Variants in FRMD3 observed in about 807,000 individuals in gnomAD.
FRMD3 encodes FERM domain-containing protein 3.
In FRMD3, 33 loss-of-function variants were observed where a neutral mutation model predicts 70.2. The ratio of observed to expected loss-of-function variants is 0.47; its 90% CI spans 0.36 to 0.63. The LOEUF (loss-of-function observed/expected upper bound fraction) is 0.63, where lower values mean the gene tolerates loss of function less well. Ranked by LOEUF, FRMD3 falls within the 20% of genes least tolerant of loss-of-function variation. The pLI, the probability that FRMD3 is intolerant of heterozygous loss-of-function variation, is 0.00. For missense variants in FRMD3, 632 were observed against 711.4 expected (o/e 0.89, Z 1.27); for synonymous variants, 279 against 255.9 (o/e 1.09, Z -0.86).
At chr9:83,307,452 A>T (rs1423425902) in intron 10 of FRMD3, among the ~76,000 whole-genome samples, 1 of 152,266 alleles carries the variant, frequency 6.6e-6, no homozygotes, top group Non-Finnish European at 1.5e-5. Context: ...AATGTGGTCT[A>T]TTGAAACAAT....
intron 1 of FRMD3, among the ~76,000 whole-genome samples, chr9:83,438,179 T>C (rs1326677876): frequency 6.6e-6 from 1 of 152,190 alleles, no homozygotes; most frequent in African/African-American, 2.4e-5. Flanking sequence ...AGAAAATGTA[T>C]TTTCTGAAGC....
chr9:83,270,152 A>G (rs893382476), intron 13 of FRMD3, among the ~76,000 whole-genome samples: 1 of 152,228 alleles, frequency 6.6e-6, no homozygotes, highest in African/African-American at 2.4e-5. Flanking sequence ...GCCCTTGAAT[A>G]CTGTTCCTGT....
rs912717417 is a variant in FRMD3, at chr9:83,385,191, A to C, written c.252+4413T>G. Among the ~76,000 whole-genome samples, 26 of 152,164 alleles carry C rather than the reference A, an allele frequency of 1.7e-4. 1 individual carries two copies. The highest frequency in any genetic ancestry group is 6.3e-4 in the African/African-American group (26 of 41,438). ...GTAAAAAGAATATACTGGAGTAAAA[A>C]AAAAAAAATCTAAACTTAAGCCAAG... On this transcript the variant is annotated intron_variant, in intron 2 of 13. Transcript: ENST00000304195.
intron 1 of FRMD3, among the ~76,000 whole-genome samples, chr9:83,436,785 A>G (rs1470724136): frequency 4.2e-4 from 14 of 33,132 alleles, no homozygotes; most frequent in South Asian, 2.4e-3. Flanking sequence ...CAAGGGGAAA[A>G]AAAAAAAAAA....
At chr9:83,308,297 A>T (rs888850602) in intron 10 of FRMD3, among the ~76,000 whole-genome samples, 2 of 152,186 alleles carry the variant, frequency 1.3e-5, no homozygotes, top group Non-Finnish European at 2.9e-5. Context: ...TACCACCACA[A>T]CTTCTCTTTT....
At chr9:83,559,148 T>A in the FRMD3 span, among the ~76,000 whole-genome samples, 2 of 152,280 alleles carry the variant, frequency 1.3e-5, no homozygotes, top group African/African-American at 4.8e-5. Context: ...CTATTGTGGA[T>A]TAAAGGCTAT....
chr9:83,423,604 T>C (rs964421747), intron 1 of FRMD3, among the ~76,000 whole-genome samples: 1 of 139,028 alleles, frequency 7.2e-6, no homozygotes, highest in African/African-American at 2.7e-5. Context: ...TTTTTTTTTT[T>C]TTTTTTTTTG....
At chr9:83,517,494 C>CAAA (rs59178344) in intron 1 of FRMD3, among the ~76,000 whole-genome samples, 1,917 of 64,494 alleles carry the variant, frequency 0.03, 1 homozygote, top group Middle Eastern at 0.059. Context: ...CCTACCAATC[C>CAAA]AAAAAAAAAA....
chr9:83,563,119 C>G, the FRMD3 span, among the ~76,000 whole-genome samples: 7 of 152,290 alleles, frequency 4.6e-5, no homozygotes, highest in African/African-American at 1.7e-4. Context: ...CCTCTGGCAT[C>G]TAGGATAGAG....
chr9:83,527,535 A>G (rs1587526371), intron 1 of FRMD3, among the ~76,000 whole-genome samples: 1 of 152,272 alleles, frequency 6.6e-6, no homozygotes, highest in South Asian at 2.1e-4. Context: ...TATTATTAGG[A>G]GAAAGGTAAA....
At chr9:83,302,245 G>A (rs112739393) in intron 10 of FRMD3, among the ~76,000 whole-genome samples, 1 of 152,318 alleles carries the variant, frequency 6.6e-6, no homozygotes, top group Non-Finnish European at 1.5e-5. Context: ...GCTTGATCAT[G>A]AGAGATTCTG....
Position 83,349,583 on chromosome 9 carries a change from G to T in FRMD3, c.374+96C>A. 2.6e-6 allele frequency: 2 copies of T among 755,532 alleles called. 1 individual carries two copies. The highest frequency in any genetic ancestry group is 3.6e-5 in the South Asian group (2 of 55,824). The allele number at this position is 755,532 out of a possible 1,614,324, so 46.8% of individuals were successfully genotyped here. ...ATTCCAAGCTTGCAACACTGAGACGGTCAGCTCTAGACAGGAGGCCCATCT... is the reference window on the plus strand; with the variant it reads ...ATTCCAAGCTTGCAACACTGAGACGTTCAGCTCTAGACAGGAGGCCCATCT... On this transcript the variant is annotated intron_variant, in intron 4 of 13. Transcript: ENST00000304195.
intron 2 of FRMD3, among the ~76,000 whole-genome samples, chr9:83,385,696 A>G (rs2131288822): frequency 6.6e-6 from 1 of 152,232 alleles, no homozygotes; most frequent in Non-Finnish European, 1.5e-5. Context: ...TATCCAAATA[A>G]TTCATCAGTT....
intron 3 of FRMD3, among the ~76,000 whole-genome samples, chr9:83,355,918 C>T (rs1824320808): frequency 6.6e-6 from 1 of 152,204 alleles, no homozygotes; most frequent in Non-Finnish European, 1.5e-5. Context: ...AGCAGGGCTC[C>T]TCTCTCACAG....
At chr9:83,318,659 AG>A (rs1835678890) in intron 6 of FRMD3, among the ~76,000 whole-genome samples, 1 of 152,206 alleles carries the variant, frequency 6.6e-6, no homozygotes, top group African/African-American at 2.4e-5. Context: ...ATATACACAA[AG>A]GGAAAATAGT....
upstream of FRMD3, among the ~76,000 whole-genome samples, chr9:83,543,208 G>A (rs147215615): frequency 2.6e-5 from 4 of 151,666 alleles, no homozygotes; most frequent in African/African-American, 4.8e-5. Flanking sequence ...ATTAAGAGAC[G>A]AGTGTGAAGG....
At chr9:83,570,136 T>C in the FRMD3 span, among the ~76,000 whole-genome samples, 1 of 152,186 alleles carries the variant, frequency 6.6e-6, no homozygotes, top group African/African-American at 2.4e-5. Flanking sequence ...TGACAAACAT[T>C]TACTAAGTAT....
chr9:83,331,853 T>G (rs763465631), intron 6 of FRMD3: 14 of 717,372 alleles, frequency 2.0e-5, no homozygotes, highest in East Asian at 2.7e-5. Context: ...TCCTATTACC[T>G]TCTGAACACC....
intron 2 of FRMD3, among the ~76,000 whole-genome samples, chr9:83,382,032 A>G (rs1196973053): frequency 6.6e-6 from 1 of 152,100 alleles, no homozygotes; most frequent in Non-Finnish European, 1.5e-5. Context: ...AAAAAATGAT[A>G]GTTTGAAAAT....
Sources: allele counts gnomAD v4.1 joint callset (sites outside exome capture counted in the v4.1 genomes callset), GRCh38; gene constraint gnomAD v4.1.1; transcripts MANE v1.5; gene names NCBI Gene and HGNC (gene_info 2026-07-23, HGNC 2026-07-21).